The following PIGN variants were observed in gnomAD, a reference collection of about 807,000 sequenced individuals.
PIGN encodes the protein GPI ethanolamine phosphate transferase 1.
In PIGN, 117 loss-of-function variants were observed where a neutral mutation model predicts 125.4. The observed-to-expected ratio is 0.93, with a 90% CI of 0.80 to 1.09. The LOEUF is 1.09. Ranked by LOEUF, PIGN falls within the 50% of genes least tolerant of loss-of-function variation. The pLI is 0.00. For synonymous variants in PIGN, 392 were observed against 377.8 expected (o/e 1.04, Z -0.44); for missense variants, 1,075 against 1,094.9 (o/e 0.98, Z 0.26).
chr18:62,023,469 C>T (rs2030078539), intron 23 of PIGN, among the ~76,000 whole-genome samples: 1 of 152,180 alleles, frequency 6.6e-6, no homozygotes, highest in Non-Finnish European at 1.5e-5. Flanking sequence ...CTCATCCATT[C>T]AATGGACATT....
chr18:62,127,040 G>A (rs1401429192), intron 14 of PIGN, among the ~76,000 whole-genome samples: 1 of 152,114 alleles, frequency 6.6e-6, no homozygotes, highest in Non-Finnish European at 1.5e-5. Flanking sequence ...CACTGGGAAG[G>A]ATAAATCTTA....
At chr18:62,034,013 T>C (rs888462723) in intron 23 of PIGN, among the ~76,000 whole-genome samples, 3 of 152,036 alleles carry the variant, frequency 2.0e-5, no homozygotes, top group African/African-American at 7.2e-5. Flanking sequence ...CCCAGATGGG[T>C]CTGTGTGATT....
chr18:62,070,343 G>T, intron 30 of PIGN: 1 of 398,288 alleles, frequency 2.5e-6, no homozygotes, highest in South Asian at 1.3e-4. Flanking sequence ...AAGTATAAGA[G>T]ACAAATGAAA....
At chr18:62,071,363 C>G (rs150744816) in intron 30 of PIGN, among the ~76,000 whole-genome samples, 2 of 152,274 alleles carry the variant, frequency 1.3e-5, no homozygotes, top group East Asian at 3.9e-4. Context: ...CTAGACTTAA[C>G]ATCTATCATC....
rs867363903 is a variant in PIGN, at chr18:62,083,591, C to A, written c.2503-845G>T. On this transcript the variant is annotated intron_variant, in intron 27 of 30. Transcript: ENST00000640252. ...CTGCATTGTGCTGGAGATTAAGAACCTAGCATTCTAATTTGAGCTTTGTCT... is the reference window on the plus strand; with the variant it reads ...CTGCATTGTGCTGGAGATTAAGAACATAGCATTCTAATTTGAGCTTTGTCT... 3.3e-5 allele frequency among the ~76,000 whole-genome samples: 5 copies of A among 152,026 alleles called. No homozygotes were observed. In the South Asian group the frequency reaches 6.2e-4, roughly 19 times the overall value.
At position 62,148,512 on chromosome 18, in the gene PIGN, T is replaced by C. The variant is rs578148776; in HGVS notation, c.550-174A>G. 3.9e-5 allele frequency among the ~76,000 whole-genome samples: 6 copies of C among 152,250 alleles called. No homozygotes were observed. In the South Asian group the frequency reaches 8.3e-4, roughly 21 times the overall value. ...TCTTTGCTATCAGTTCAGACATCTA[T>C]GTTCAAATAATGAGTTAGCTGTTTT... On this transcript the variant is annotated intron_variant, in intron 7 of 30. Transcript: ENST00000640252.
chr18:62,141,152 G>A (rs888158597), intron 11 of PIGN, among the ~76,000 whole-genome samples: 2 of 152,200 alleles, frequency 1.3e-5, no homozygotes, highest in Admixed American at 6.5e-5. Context: ...GTTTATGTAA[G>A]TCCTTATAAT....
At chr18:62,046,097 G>T in intron 30 of PIGN, 118 bp from the exon 31 acceptor site, 1 of 1,057,652 alleles carries the variant, frequency 9.5e-7, no homozygotes, top group Non-Finnish European at 1.4e-6. Flanking sequence ...GAGCTGGAGT[G>T]GGTGTTCTTT....
At chr18:62,118,885 GAA>G (rs56320941) in intron 14 of PIGN, among the ~76,000 whole-genome samples, 3 of 136,956 alleles carry the variant, frequency 2.2e-5, no homozygotes, top group East Asian at 2.1e-4. Context: ...GAAAAGAGGT[GAA>G]AAAAAAAAAA....
Position 62,101,111 on chromosome 18 carries a change from G to T in PIGN, c.2041C>A (p.Pro681Thr). The T allele has an allele frequency of 6.2e-7, 1 of 1,610,516 alleles. No individual in the cohort carries two copies. Among genetic ancestry groups the T allele is most frequent in the Non-Finnish European group, 8.5e-7 (1 of 1,177,078 alleles). ...QSSLLRKQGL[P>T]LMNQIISWAT... ...CAGCTAATAATTTGATTCATGAGAG[G>T]CAGTCCTTGCTTCCTGAGTAGACTA... The change falls in exon 22 of 31, where the codon CCT (proline) becomes ACT (threonine). Residue 681 changes from proline to threonine, a missense_variant. Physicochemically the swap from Pro to Thr is conservative, Grantham distance 38. Around this residue, in one of 3 missense-constraint regions of PIGN, gnomAD observed 915 missense variants for 908.7 expected, o/e 1.01. Coordinates refer to ENST00000640252, the MANE Select transcript of PIGN (RefSeq NM_176787.5).
intron 23 of PIGN, among the ~76,000 whole-genome samples, chr18:62,034,835 A>G (rs2195756): frequency 0.26 from 39,065 of 151,982 alleles, 5,318 homozygotes; most frequent in East Asian, 0.44. Flanking sequence ...CTGAGTTAAT[A>G]CTGAAATGAA....
At chr18:62,105,873 C>CT (rs2034619543) in intron 19 of PIGN, among the ~76,000 whole-genome samples, 1 of 152,136 alleles carries the variant, frequency 6.6e-6, no homozygotes, top group Non-Finnish European at 1.5e-5. Flanking sequence ...AATATGAGCA[C>CT]TTTCTCATTT....
At chr18:62,070,288 G>C (rs1216836944) in intron 30 of PIGN, 3 of 395,662 alleles carry the variant, frequency 7.6e-6, no homozygotes, top group Non-Finnish European at 1.3e-5. Context: ...TAGAATGAGA[G>C]GGCTGGGAAG....
intron 24 of PIGN, among the ~76,000 whole-genome samples, chr18:62,090,221 T>G (rs2033892779): frequency 6.6e-6 from 1 of 152,176 alleles, no homozygotes; most frequent in Admixed American, 6.5e-5. Flanking sequence ...TATATTGACT[T>G]TTTTAAATCA....
At chr18:62,120,603 GTTAT>G (rs200894356) in intron 14 of PIGN, among the ~76,000 whole-genome samples, 2 of 151,868 alleles carry the variant, frequency 1.3e-5, no homozygotes, top group African/African-American at 2.4e-5. Flanking sequence ...AGGTATGAAA[GTTAT>G]TTAAAGTTAA....
At chr18:62,145,020 G>T (rs969309188) in intron 10 of PIGN, among the ~76,000 whole-genome samples, 1 of 148,926 alleles carries the variant, frequency 6.7e-6, no homozygotes, top group Non-Finnish European at 1.5e-5. Flanking sequence ...GGGGGGGGGG[G>T]GCAGGGTGGA....
At chr18:62,159,553 C>G (rs1168795937) in intron 4 of PIGN, among the ~76,000 whole-genome samples, 2 of 152,164 alleles carry the variant, frequency 1.3e-5, no homozygotes, top group East Asian at 1.9e-4. Flanking sequence ...GTGTACTGTA[C>G]TTAACCTTGG....
chr18:62,088,740 T>A lies in PIGN; in HGVS notation c.2370+16A>T. 1 of 1,465,620 alleles carries A rather than the reference T, an allele frequency of 6.8e-7. No homozygotes were observed. Among genetic ancestry groups the A allele is most frequent in the Non-Finnish European group, 9.4e-7 (1 of 1,066,466 alleles). The allele number at this position is 1,465,620 out of a possible 1,614,324, so 90.8% of individuals were successfully genotyped here. On this transcript the variant is annotated intron_variant, in intron 25 of 30. Transcript: ENST00000640252. ...GGAGTTGCAGCTCTTTAAACCAAAG[T>A]CTCCACAAAGGATACAAGGAAAAAG...
intron 14 of PIGN, among the ~76,000 whole-genome samples, chr18:62,119,235 T>C (rs950839373): frequency 3.3e-5 from 5 of 151,954 alleles, no homozygotes; most frequent in Non-Finnish European, 5.9e-5. Flanking sequence ...ACTTTTAATA[T>C]ATAAAGATAA....
Sources: allele counts gnomAD v4.1 joint callset (sites outside exome capture counted in the v4.1 genomes callset), GRCh38; gene constraint gnomAD v4.1.1; regional missense constraint gnomAD v4.1.1; transcripts MANE v1.5; gene names NCBI Gene and HGNC (gene_info 2026-07-23, HGNC 2026-07-21).